The following SYCP2 variants were observed in gnomAD, a reference collection of about 807,000 sequenced individuals.
SYCP2 encodes synaptonemal complex protein 2.
A neutral mutation model predicts 211.3 loss-of-function variants in SYCP2; 55 were observed. That is an observed-to-expected ratio of 0.26 (90% CI 0.21 to 0.33). The LOEUF (loss-of-function observed/expected upper bound fraction) is 0.33, where lower values mean the gene tolerates loss of function less well. Among genes scored for constraint, SYCP2 ranks in the 10% least tolerant of loss-of-function variants. The probability of loss-of-function intolerance (pLI) is 1.00; values close to 1 mark genes in which losing one functional copy is unlikely to be tolerated. For synonymous variants in SYCP2, 570 were observed against 555.2 expected, an observed-to-expected ratio of 1.03 and a Z score of -0.37; for missense variants, 1,731 against 1,752.0, an observed-to-expected ratio of 0.99 and a Z score of 0.21.
At chr20:59,875,998 T>G (rs1196422838) in intron 33 of SYCP2, among the ~76,000 whole-genome samples, 2 of 151,840 alleles carry the variant, frequency 1.3e-5, no homozygotes, top group African/African-American at 4.8e-5. Context: ...GAGATATTTT[T>G]AGGGTCTTCC....
chr20:59,900,687 C>T, intron 17 of SYCP2, 57 bp downstream of exon 17: 1 of 1,339,474 alleles, frequency 7.5e-7, no homozygotes, highest in Non-Finnish European at 1.1e-6. Context: ...ATTACTGTTC[C>T]ATTAGTTATG....
intron 2 of SYCP2, among the ~76,000 whole-genome samples, chr20:59,930,723 TTAA>T (rs1367897109): frequency 6.7e-6 from 1 of 149,558 alleles, no homozygotes; most frequent in African/African-American, 2.6e-5. Flanking sequence ...GTTATAATAT[TTAA>T]TAATATGCAA....
intron 1 of SYCP2, chr20:59,933,206 GCGC>G (rs1400516485): frequency 6.6e-6 from 1 of 152,064 alleles, no homozygotes; most frequent in Non-Finnish European, 1.5e-5. Flanking sequence ...CGCTCGCCAA[GCGC>G]ACCGCCCCGC....
intron 15 of SYCP2, 59 bp from the exon 16 acceptor site, chr20:59,901,869 TATAA>T (rs1236896665): frequency 6.9e-6 from 9 of 1,300,602 alleles, no homozygotes; most frequent in Middle Eastern, 2.2e-4. Context: ...GCAAGTATAC[TATAA>T]ATAAGACATG....
chr20:59,872,593 T>C (rs1372906712), intron 35 of SYCP2, among the ~76,000 whole-genome samples: 1 of 151,996 alleles, frequency 6.6e-6, no homozygotes, highest in African/African-American at 2.4e-5. Context: ...AGATAGTATA[T>C]ATAGCATTCA....
rs8126320 is a variant in SYCP2 at position 59,897,153 on chromosome 20, G to A, written c.1405-625C>T. Among the ~76,000 whole-genome samples the A allele has an allele frequency of 2.0e-5, 3 of 152,090 alleles. No homozygotes were observed. In the South Asian group the frequency reaches 6.2e-4, roughly 31 times the overall value. The stretch of plus-strand genomic sequence containing the variant: ...ACTACAAGAGACAGGAGTTTCAGAG[G>A]ATGCCATATTAAGAAGTAGATGGTG... On this transcript the variant is annotated intron_variant, in intron 18 of 44. Coordinates refer to ENST00000357552, the MANE Select transcript of SYCP2 (RefSeq NM_014258.4).
intron 2 of SYCP2, among the ~76,000 whole-genome samples, chr20:59,930,492 T>C (rs942037142): frequency 6.6e-6 from 1 of 152,336 alleles, no homozygotes; most frequent in African/African-American, 2.4e-5. Context: ...CAGTGCCAAA[T>C]GCCCATCTTC....
rs960133589 is a variant in SYCP2, at chr20:59,895,425, AG to A, written c.1665+11del. ...AAAAAATATTTTTAAAATACTTTCA[AG>A]GTAAAGTTACTTTGTCTATATTATC... On this transcript the variant is annotated intron_variant, in intron 20 of 44. Coordinates refer to ENST00000357552, the MANE Select transcript of SYCP2 (RefSeq NM_014258.4). 2 of 1,573,610 alleles carry A rather than the reference AG, an allele frequency of 1.3e-6. No individual in the cohort carries two copies. The highest frequency in any genetic ancestry group is 2.8e-5 in the African/African-American group (2 of 72,438).
At chr20:59,901,843 T>C in intron 15 of SYCP2, 33 bp from the exon 16 acceptor site, 1 of 1,500,436 alleles carries the variant, frequency 6.7e-7, no homozygotes, top group Non-Finnish European at 9.0e-7. Context: ...AGTTTACGTT[T>C]CTATGATACT....
chr20:59,907,355 G>T lies in SYCP2; in HGVS notation c.1033+9C>A. 6.4e-7 allele frequency: 1 copy of T among 1,574,514 alleles called. No individual in the cohort carries two copies. The highest frequency in any genetic ancestry group is 1.1e-5 in the South Asian group (1 of 87,830). ...TAAGAAAATTATTAGAAAAAAACAA[G>T]TTTAATACCTTCAATGCTGTATATT... On this transcript the variant is annotated intron_variant, in intron 15 of 44. Coordinates refer to ENST00000357552, the MANE Select transcript of SYCP2 (RefSeq NM_014258.4).
At chr20:59,925,859 GTGTT>G (rs566335322) in intron 2 of SYCP2, among the ~76,000 whole-genome samples, 66 of 152,104 alleles carry the variant, frequency 4.3e-4, no homozygotes, top group African/African-American at 1.5e-3. Context: ...AAGTTCATGA[GTGTT>G]CATTTAGATG....
At chr20:59,868,589 G>C (rs1327844159) in intron 37 of SYCP2, 21 bp from the exon 38 acceptor site, 9 of 1,552,612 alleles carry the variant, frequency 5.8e-6, no homozygotes, top group Non-Finnish European at 7.8e-6. Flanking sequence ...GTTAAAGAAA[G>C]TTAAAAGCGC....
intron 2 of SYCP2, among the ~76,000 whole-genome samples, chr20:59,928,743 G>A (rs1254366144): frequency 6.6e-6 from 1 of 152,054 alleles, no homozygotes; most frequent in African/African-American, 2.4e-5. Flanking sequence ...AATGGTCTGG[G>A]AAAAGTGACT....
intron 23 of SYCP2, 38 bp downstream of exon 23, chr20:59,892,530 A>G: frequency 6.4e-7 from 1 of 1,566,930 alleles, no homozygotes; most frequent in African/African-American, 1.4e-5. Context: ...GAGGAAATTA[A>G]CACTGAACTA....
intron 7 of SYCP2, among the ~76,000 whole-genome samples, chr20:59,916,787 C>G (rs774540806): frequency 6.6e-6 from 1 of 151,988 alleles, no homozygotes; most frequent in East Asian, 1.9e-4. Context: ...AAAAATTAGC[C>G]GGGCACCTGT....
intron 10 of SYCP2, among the ~76,000 whole-genome samples, chr20:59,914,696 ATT>A (rs1368115311): frequency 1.3e-5 from 2 of 151,512 alleles, no homozygotes; most frequent in African/African-American, 2.4e-5. Context: ...TAGAAAATAA[ATT>A]TTAAGTTATT....
At chr20:59,916,860 A>G (rs2060452805) in intron 7 of SYCP2, among the ~76,000 whole-genome samples, 1 of 152,286 alleles carries the variant, frequency 6.6e-6, no homozygotes, top group African/African-American at 2.4e-5. Flanking sequence ...TCAAAGCTGC[A>G]GTGAGCCGTG....
intron 2 of SYCP2, among the ~76,000 whole-genome samples, chr20:59,925,536 G>A (rs2060618666): frequency 6.6e-6 from 1 of 152,068 alleles, no homozygotes; most frequent in Non-Finnish European, 1.5e-5. Context: ...CTGGTTATCA[G>A]TTAATGTAAA....
chr20:59,927,533 T>C (rs1035968925), intron 2 of SYCP2, among the ~76,000 whole-genome samples: 1 of 152,036 alleles, frequency 6.6e-6, no homozygotes, highest in African/African-American at 2.4e-5. Context: ...CTAAAGTTCT[T>C]CCACAATCCA....
Sources: gnomAD v4.1 joint callset for allele counts (sites outside exome capture counted in the v4.1 genomes callset) on GRCh38, gnomAD v4.1.1 for gene constraint, MANE v1.5 for transcripts, NCBI Gene and HGNC (gene_info 2026-07-23, HGNC 2026-07-21) for gene names.